The following CTNNA2 variants were observed in gnomAD, a reference collection of about 807,000 sequenced individuals.
The protein encoded by CTNNA2 is catenin alpha-2.
Under a neutral mutation model 101.0 loss-of-function variants are expected in CTNNA2, and 42 were observed. The ratio of observed to expected loss-of-function variants is 0.42; its 90% CI spans 0.32 to 0.54. The LOEUF (loss-of-function observed/expected upper bound fraction) is 0.54. CTNNA2 is among the 20% of genes least tolerant of loss of function. The pLI is 0.14. For missense variants in CTNNA2, 871 were observed against 1,223.1 expected (o/e 0.71, Z 4.29); for synonymous variants, 450 against 456.4 (o/e 0.99, Z 0.18).
At chr2:79,987,258 G>T (rs1691832022) in intron 7 of CTNNA2, among the ~76,000 whole-genome samples, 1 of 152,154 alleles carries the variant, frequency 6.6e-6, no homozygotes, top group Admixed American at 6.5e-5. Flanking sequence ...AATCTGCAGG[G>T]TCTGTGTGTG....
intron 2 of CTNNA2, among the ~76,000 whole-genome samples, chr2:79,278,827 A>T (rs1242346297): frequency 2.0e-5 from 3 of 152,102 alleles, no homozygotes; most frequent in Non-Finnish European, 2.9e-5. Context: ...GAAGAGGGTA[A>T]AGAGGGCCAG....
intron 7 of CTNNA2, among the ~76,000 whole-genome samples, chr2:80,151,648 C>T (rs922334625): frequency 3.9e-5 from 6 of 152,268 alleles, no homozygotes; most frequent in Non-Finnish European, 7.4e-5. Flanking sequence ...TCCTTCTCAC[C>T]GTAAGCCCAC....
At chr2:79,905,309 C>T (rs1442394469) in intron 6 of CTNNA2, among the ~76,000 whole-genome samples, 1 of 152,100 alleles carries the variant, frequency 6.6e-6, no homozygotes, top group Non-Finnish European at 1.5e-5. Flanking sequence ...TGCAGGCCCT[C>T]TATCTGTAAA....
chr2:79,407,445 T>G (rs1443271434), intron 4 of CTNNA2, among the ~76,000 whole-genome samples: 3 of 151,958 alleles, frequency 2.0e-5, no homozygotes, highest in African/African-American at 7.2e-5. Flanking sequence ...TTTTCTGGTT[T>G]TTTTTCTCTC....
At chr2:80,596,694 T>A (rs1056759910) in intron 15 of CTNNA2, among the ~76,000 whole-genome samples, 3 of 152,082 alleles carry the variant, frequency 2.0e-5, no homozygotes, top group Non-Finnish European at 4.4e-5. Context: ...TTGAATACAC[T>A]TTATTTCTTT....
intron 6 of CTNNA2, among the ~76,000 whole-genome samples, chr2:79,876,516 TAAAC>T (rs1683037835): frequency 6.6e-6 from 1 of 152,160 alleles, no homozygotes; most frequent in African/African-American, 2.4e-5. Flanking sequence ...TAATCAAAAA[TAAAC>T]AACAAAACCT....
intron 7 of CTNNA2, among the ~76,000 whole-genome samples, chr2:80,080,403 A>T: frequency 6.6e-6 from 1 of 152,192 alleles, no homozygotes; most frequent in East Asian, 1.9e-4. Flanking sequence ...CGACAAGGAC[A>T]CCTCGACAAT....
At chr2:79,597,798 G>C (rs1160539999) in intron 1 of CTNNA2, among the ~76,000 whole-genome samples, 1 of 152,102 alleles carries the variant, frequency 6.6e-6, no homozygotes, top group Non-Finnish European at 1.5e-5. Flanking sequence ...TATCATCCAA[G>C]ATACATAGTT....
At chr2:80,145,779 G>A (rs1208717273) in intron 7 of CTNNA2, among the ~76,000 whole-genome samples, 1 of 152,148 alleles carries the variant, frequency 6.6e-6, no homozygotes, top group Non-Finnish European at 1.5e-5. Flanking sequence ...AATCTAATGT[G>A]TATATGACTT....
At position 79,774,812 on chromosome 2, in the gene CTNNA2, T is replaced by A. The variant is rs189309664; in HGVS notation, c.298+30230T>A. 1.7e-3 allele frequency among the ~76,000 whole-genome samples: 263 copies of A among 152,312 alleles called. 2 individuals carry two copies. Among genetic ancestry groups the A allele is most frequent in the African/African-American group, 5.8e-3 (243 of 41,574 alleles). ...AAATTTCTATTTCTTATTCCCTCTT[T>A]CACTTTCACCCCACTTACCAGGAAA... On this transcript the variant is annotated intron_variant, in intron 3 of 18. Coordinates refer to ENST00000402739, the MANE Select transcript of CTNNA2 (RefSeq NM_001282597.3).
chr2:79,196,188 T>A (rs1673958626), intron 1 of CTNNA2, among the ~76,000 whole-genome samples: 1 of 152,190 alleles, frequency 6.6e-6, no homozygotes, highest in Non-Finnish European at 1.5e-5. Flanking sequence ...CGCCTCGGCC[T>A]CCCAAAGTGC....
At chr2:79,655,191 G>T (rs1031937296) in intron 2 of CTNNA2, among the ~76,000 whole-genome samples, 4 of 152,156 alleles carry the variant, frequency 2.6e-5, no homozygotes, top group African/African-American at 7.2e-5. Flanking sequence ...GTTAAAAAGT[G>T]AGTGACCTTT....
intron 2 of CTNNA2, among the ~76,000 whole-genome samples, chr2:79,246,500 C>A (rs1437297117): frequency 6.6e-6 from 1 of 152,170 alleles, no homozygotes; most frequent in Admixed American, 6.5e-5. Context: ...AATTAGCTGT[C>A]AGTATCTTTC....
chr2:79,693,957 T>G (rs568964189), intron 2 of CTNNA2, among the ~76,000 whole-genome samples: 3 of 151,994 alleles, frequency 2.0e-5, no homozygotes, highest in Non-Finnish European at 4.4e-5. Flanking sequence ...GGTACCAATG[T>G]AGATGACTTA....
chr2:79,948,540 G>C (rs182815347), intron 7 of CTNNA2, among the ~76,000 whole-genome samples: 1 of 152,326 alleles, frequency 6.6e-6, no homozygotes, highest in African/African-American at 2.4e-5. Flanking sequence ...TATGATTTTT[G>C]TTTTGTTAAA....
At chr2:79,285,047 T>A (rs1184307531) in intron 2 of CTNNA2, among the ~76,000 whole-genome samples, 1 of 143,246 alleles carries the variant, frequency 7.0e-6, no homozygotes, top group African/African-American at 2.6e-5. Context: ...TTTATTTGCG[T>A]AGAGGTGTTT....
chr2:80,257,142 C>T lies in CTNNA2; in HGVS notation c.1057-136069C>T, dbSNP rs540394560. ...GCATTTTATAGTCTTCAGTGCAGCA[C>T]TATCTTGCCTCTTTTTGCTTCTAAT... On this transcript the variant is annotated intron_variant, in intron 7 of 18. Coordinates refer to ENST00000402739, the MANE Select transcript of CTNNA2 (RefSeq NM_001282597.3). Among the ~76,000 whole-genome samples the T allele has an allele frequency of 1.3e-3, 203 of 152,230 alleles. 1 individual carries two copies. Among genetic ancestry groups the T allele is most frequent in the African/African-American group, 4.7e-3 (194 of 41,554 alleles).
intron 3 of CTNNA2, among the ~76,000 whole-genome samples, chr2:79,832,054 G>C (rs1385611969): frequency 6.6e-6 from 1 of 152,114 alleles, no homozygotes; most frequent in African/African-American, 2.4e-5. Flanking sequence ...AGTGCCTGCA[G>C]TCATTTTCCT....
chr2:80,406,055 A>G (rs1399023988), intron 8 of CTNNA2, among the ~76,000 whole-genome samples: 1 of 152,226 alleles, frequency 6.6e-6, no homozygotes. Context: ...GAGTGACTGT[A>G]AAGCTAAAAA....
Sources: gnomAD v4.1 joint callset for allele counts (sites outside exome capture counted in the v4.1 genomes callset) on GRCh38, gnomAD v4.1.1 for gene constraint, MANE v1.5 for transcripts, NCBI Gene and HGNC (gene_info 2026-07-23, HGNC 2026-07-21) for gene names.